Variants in ZFHX3 observed in about 807,000 individuals in gnomAD.
ZFHX3 encodes the protein zinc finger homeobox 3, also known as zinc finger homeobox protein 3.
A neutral mutation model predicts 279.1 loss-of-function variants in ZFHX3; 42 were observed. The observed-to-expected ratio is 0.15, with a 90% CI of 0.12 to 0.19. The LOEUF (loss-of-function observed/expected upper bound fraction) is 0.19, where lower values mean the gene tolerates loss of function less well. ZFHX3 is among the 10% of genes least tolerant of loss of function. The pLI is 1.00. For synonymous variants in ZFHX3, 2,293 were observed against 1,957.8 expected (o/e 1.17, Z -4.52); for missense variants, 4,981 against 4,754.0 (o/e 1.05, Z -1.40).
intron 2 of ZFHX3, among the ~76,000 whole-genome samples, chr16:73,469,105 C>A (rs2018619416): frequency 6.6e-6 from 1 of 152,166 alleles, no homozygotes; most frequent in African/African-American, 2.4e-5. Flanking sequence ...CAGGAGGATG[C>A]AGAGTGGGGC....
chr16:72,998,701 T>G (rs1963380985), intron 1 of ZFHX3, among the ~76,000 whole-genome samples: 1 of 152,230 alleles, frequency 6.6e-6, no homozygotes, highest in South Asian at 2.1e-4. Context: ...CTGGCCCCAC[T>G]GTAATAATTC....
chr16:73,333,369 A>G (rs963882190), intron 3 of ZFHX3, among the ~76,000 whole-genome samples: 2 of 152,222 alleles, frequency 1.3e-5, no homozygotes, highest in Non-Finnish European at 2.9e-5. Context: ...ATAGACACAT[A>G]ATAGACAGAA....
At chr16:73,842,906 CTT>C in intron 1 of ZFHX3, among the ~76,000 whole-genome samples, 1 of 152,274 alleles carries the variant, frequency 6.6e-6, no homozygotes, top group South Asian at 2.1e-4. Context: ...AGAATTACCT[CTT>C]TTCTAACACT....
chr16:72,808,042 T>G (rs778878689), intron 7 of ZFHX3: 3 of 152,216 alleles, frequency 2.0e-5, no homozygotes, highest in Non-Finnish European at 4.4e-5. Context: ...TAGTTGGCCA[T>G]GAACAAACAT....
intron 1 of ZFHX3, among the ~76,000 whole-genome samples, chr16:73,802,942 T>C (rs1039783097): frequency 1.1e-4 from 17 of 152,170 alleles, no homozygotes; most frequent in African/African-American, 4.1e-4. Flanking sequence ...CTCAGCCTCC[T>C]GAGGAGCTGG....
At chr16:73,506,480 C>T (rs567442797) in intron 2 of ZFHX3, among the ~76,000 whole-genome samples, 3 of 152,164 alleles carry the variant, frequency 2.0e-5, no homozygotes, top group Non-Finnish European at 2.9e-5. Context: ...TTAATAGAGT[C>T]CCACGGAAAA....
At chr16:73,272,566 A>T (rs1296771086) in intron 4 of ZFHX3, among the ~76,000 whole-genome samples, 1 of 152,206 alleles carries the variant, frequency 6.6e-6, no homozygotes, top group Non-Finnish European at 1.5e-5. Context: ...GCTAGAGTCT[A>T]TGGACACAAA....
chr16:73,849,404 C>A (rs1961537100), intron 1 of ZFHX3, among the ~76,000 whole-genome samples: 1 of 152,124 alleles, frequency 6.6e-6, no homozygotes, highest in Non-Finnish European at 1.5e-5. Context: ...GCTCTAATAG[C>A]CAATGTGTTA....
chr16:73,591,209 C>T lies in ZFHX3; in HGVS notation c.-1547+88971G>A, dbSNP rs151029114. On this transcript the variant is annotated intron_variant, in intron 2 of 17. Coordinates refer to the ZFHX3 transcript ENST00000641206. ...CTACTAAAAATGCAAAAAAATTTGC[C>T]GGGCATGGTGGTGGGCGCTTGTAAT... 2.9e-3 allele frequency among the ~76,000 whole-genome samples: 433 copies of T among 151,566 alleles called. 7 individuals are homozygous for T. Among genetic ancestry groups the T allele is most frequent in the Admixed American group, 0.025 (377 of 15,198 alleles).
intron 2 of ZFHX3, among the ~76,000 whole-genome samples, chr16:73,465,942 C>G (rs1254412065): frequency 1.3e-5 from 2 of 151,682 alleles, no homozygotes; most frequent in East Asian, 1.9e-4. Context: ...TCCCACCCCA[C>G]CCCCTCACCT....
chr16:73,198,120 G>C (rs1173478921), intron 5 of ZFHX3, among the ~76,000 whole-genome samples: 1 of 151,472 alleles, frequency 6.6e-6, no homozygotes, highest in Non-Finnish European at 1.5e-5. Flanking sequence ...TGTATTTTTA[G>C]TAGAGGTGGG....
At chr16:73,490,127 CT>C (rs1325286278) in intron 2 of ZFHX3, among the ~76,000 whole-genome samples, 2 of 152,168 alleles carry the variant, frequency 1.3e-5, no homozygotes, top group Non-Finnish European at 2.9e-5. Flanking sequence ...CATTTCACGT[CT>C]TAAAGTTAAC....
chr16:73,287,755 A>T (rs1424118027), intron 4 of ZFHX3, among the ~76,000 whole-genome samples: 180 of 40,516 alleles, frequency 4.4e-3, no homozygotes, highest in South Asian at 6.1e-3. Context: ...TGGGTTGGTG[A>T]GTGGCTGTGT....
At chr16:73,732,486 G>C (rs758047857) in intron 1 of ZFHX3, among the ~76,000 whole-genome samples, 1 of 152,152 alleles carries the variant, frequency 6.6e-6, no homozygotes, top group Non-Finnish European at 1.5e-5. Context: ...CTGCTATTCT[G>C]GTGTTTCATA....
intron 2 of ZFHX3, among the ~76,000 whole-genome samples, chr16:73,473,339 CAAA>C (rs11347779): frequency 9.1e-5 from 7 of 76,658 alleles, no homozygotes; most frequent in Non-Finnish European, 9.2e-5. Flanking sequence ...TGTCTCAAAG[CAAA>C]AAAAAAAAAA....
intron 1 of ZFHX3, among the ~76,000 whole-genome samples, chr16:73,691,290 T>C (rs1352270847): frequency 1.3e-5 from 2 of 152,084 alleles, no homozygotes; most frequent in Admixed American, 6.6e-5. Context: ...ACACTCTTCC[T>C]CTACAACGGA....
chr16:73,291,099 C>A (rs150717159), intron 4 of ZFHX3, among the ~76,000 whole-genome samples: 19 of 152,328 alleles, frequency 1.2e-4, no homozygotes, highest in African/African-American at 4.6e-4. Flanking sequence ...AACCCCACAG[C>A]ACAGAAGTGC....
intron 2 of ZFHX3, among the ~76,000 whole-genome samples, chr16:73,608,242 C>A (rs2052210654): frequency 6.6e-6 from 1 of 152,180 alleles, no homozygotes; most frequent in Admixed American, 6.5e-5. Flanking sequence ...CACTTCCTTC[C>A]CATTTCCCCA....
At chr16:73,425,367 T>C (rs761116620) in intron 3 of ZFHX3, among the ~76,000 whole-genome samples, 18 of 152,218 alleles carry the variant, frequency 1.2e-4, no homozygotes, top group East Asian at 3.8e-4. Context: ...CTTACACACC[T>C]AGCAATTTAT....
Sources: allele counts gnomAD v4.1 joint callset (sites outside exome capture counted in the v4.1 genomes callset), GRCh38; gene constraint gnomAD v4.1.1; transcripts MANE v1.5; gene names NCBI Gene and HGNC (gene_info 2026-07-23, HGNC 2026-07-21).